The following CPNE4 variants were observed in gnomAD, a reference collection of about 807,000 sequenced individuals.
The protein encoded by CPNE4 is copine-4.
Under a neutral mutation model 67.9 loss-of-function variants are expected in CPNE4, and 25 were observed. That is an observed-to-expected ratio of 0.37 (90% CI 0.27 to 0.51). The LOEUF is 0.51. Among genes scored for constraint, CPNE4 ranks in the 20% least tolerant of loss-of-function variants. CPNE4 has a pLI of 0.93. For synonymous variants in CPNE4, 242 were observed against 244.9 expected, an observed-to-expected ratio of 0.99 and a Z score of 0.11; for missense variants, 464 against 690.8, an observed-to-expected ratio of 0.67 and a Z score of 3.68.
At position 131,657,859 on chromosome 3, in the gene CPNE4, C is replaced by T. The variant is rs116017888; in HGVS notation, c.681+11816G>A. On this transcript the variant is annotated intron_variant, in intron 7 of 15. Transcript: ENST00000429747. ...GATTACAGGCGTGAGATACCGTGCC[C>T]GGCCGAATTATCTATATTTTTAAGA... 7.4e-3 allele frequency among the ~76,000 whole-genome samples: 1,120 copies of T among 152,046 alleles called. 17 individuals are homozygous for T. The highest frequency in any genetic ancestry group is 0.026 in the African/African-American group (1,059 of 41,476).
intron 6 of CPNE4, among the ~76,000 whole-genome samples, chr3:131,677,774 C>T (rs530295534): frequency 1.3e-5 from 2 of 152,214 alleles, no homozygotes; most frequent in African/African-American, 4.8e-5. Context: ...GTTCTCTATT[C>T]TGTTCCATTG....
chr3:131,966,145 G>A (rs2072337339), intron 1 of CPNE4, among the ~76,000 whole-genome samples: 1 of 152,068 alleles, frequency 6.6e-6, no homozygotes, highest in Admixed American at 6.5e-5. Flanking sequence ...CAAAATTAAG[G>A]CAGAAATAAA....
intron 2 of CPNE4, among the ~76,000 whole-genome samples, chr3:131,881,494 A>C (rs148895893): frequency 1.4e-3 from 211 of 151,056 alleles, no homozygotes; most frequent in African/African-American, 4.9e-3. Flanking sequence ...AATAAACCCA[A>C]CTTGTTCAAT....
chr3:132,036,100 A>G (rs60615210), upstream of CPNE4, among the ~76,000 whole-genome samples: 2,928 of 152,294 alleles, frequency 0.019, 100 homozygotes, highest in African/African-American at 0.066. Flanking sequence ...AAACAAAGGG[A>G]CAACCTTCTG....
At chr3:131,649,613 C>A (rs945427528) in intron 7 of CPNE4, among the ~76,000 whole-genome samples, 3 of 152,142 alleles carry the variant, frequency 2.0e-5, no homozygotes, top group African/African-American at 4.8e-5. Flanking sequence ...AGAGCTGGGG[C>A]AAGTCACTTA....
intron 1 of CPNE4, among the ~76,000 whole-genome samples, chr3:131,916,314 G>T (rs79960280): frequency 1.3e-3 from 192 of 150,634 alleles, no homozygotes; most frequent in African/African-American, 3.9e-3. Flanking sequence ...GGAAGCTGGG[G>T]GGCTCACAAC....
At chr3:132,013,187 C>T (rs2073813316) in intron 1 of CPNE4, among the ~76,000 whole-genome samples, 2 of 152,178 alleles carry the variant, frequency 1.3e-5, no homozygotes, top group African/African-American at 4.8e-5. Context: ...CACGCCATTG[C>T]ACTCCAGCCT....
chr3:131,656,898 GA>G (rs2079984428), intron 7 of CPNE4, among the ~76,000 whole-genome samples: 1 of 152,168 alleles, frequency 6.6e-6, no homozygotes, highest in African/African-American at 2.4e-5. Context: ...AGGCAATGGA[GA>G]GGGACAGGTG....
chr3:132,000,651 A>T lies in CPNE4; in HGVS notation c.-2+33916T>A, dbSNP rs569691794. ...TGAGAAGAAAATTCTTGGGTAAAAA[A>T]CCCAAAGGAATTAGAGAGCTGACAA... On this transcript the variant is annotated intron_variant, in intron 1 of 15. Coordinates refer to ENST00000429747, the MANE Select transcript of CPNE4 (RefSeq NM_130808.3). 2.0e-5 allele frequency among the ~76,000 whole-genome samples: 3 copies of T among 151,964 alleles called. No individual in the cohort carries two copies. The South Asian group carries it at 6.2e-4, about 31-fold the overall frequency.
chr3:131,802,110 G>A (rs984698601), intron 2 of CPNE4, among the ~76,000 whole-genome samples: 3 of 152,110 alleles, frequency 2.0e-5, no homozygotes, highest in Non-Finnish European at 4.4e-5. Context: ...TGAGAATCAG[G>A]TTCTGGTCAC....
At chr3:132,014,734 T>C (rs186883930) in intron 1 of CPNE4, among the ~76,000 whole-genome samples, 2 of 152,170 alleles carry the variant, frequency 1.3e-5, no homozygotes, top group Non-Finnish European at 1.5e-5. Flanking sequence ...ATTGTGTTCT[T>C]GGCTTCTGTC....
At chr3:131,559,220 A>AT (rs1000510782) in intron 11 of CPNE4, among the ~76,000 whole-genome samples, 1 of 151,904 alleles carries the variant, frequency 6.6e-6, no homozygotes, top group Non-Finnish European at 1.5e-5. Flanking sequence ...CCATTATGTA[A>AT]TTTTTTTTGG....
At chr3:131,856,258 A>T (rs954894626) in intron 2 of CPNE4, among the ~76,000 whole-genome samples, 5 of 151,896 alleles carry the variant, frequency 3.3e-5, no homozygotes, top group African/African-American at 1.2e-4. Context: ...ATGTTTATAA[A>T]AACATAAACC....
intron 1 of CPNE4, among the ~76,000 whole-genome samples, chr3:132,026,672 T>TA (rs1223419857): frequency 3.3e-5 from 5 of 152,190 alleles, no homozygotes; most frequent in Non-Finnish European, 7.3e-5. Flanking sequence ...TTCTGCAAGA[T>TA]AAATGCATAT....
At chr3:131,707,985 C>A (rs578187487) in intron 3 of CPNE4, among the ~76,000 whole-genome samples, 1 of 152,260 alleles carries the variant, frequency 6.6e-6, no homozygotes, top group Non-Finnish European at 1.5e-5. Context: ...TAACAAGATC[C>A]CAGCATCAGG....
At chr3:131,589,209 A>C (rs1055326244) in intron 7 of CPNE4, among the ~76,000 whole-genome samples, 1 of 152,168 alleles carries the variant, frequency 6.6e-6, no homozygotes, top group African/African-American at 2.4e-5. Context: ...GCTCAGTTCA[A>C]GTCTAAAAGC....
intron 2 of CPNE4, among the ~76,000 whole-genome samples, chr3:131,855,164 T>G (rs12638334): frequency 0.4 from 60,162 of 151,714 alleles, 12,217 homozygotes; most frequent in Admixed American, 0.47. Context: ...GTGCCTGATA[T>G]CAACTGATTC....
At chr3:131,835,437 G>A (rs1413932311) in intron 2 of CPNE4, among the ~76,000 whole-genome samples, 4 of 152,104 alleles carry the variant, frequency 2.6e-5, no homozygotes, top group Non-Finnish European at 5.9e-5. Context: ...GCTGAGGCAG[G>A]AGAATCGCTT....
At chr3:131,937,951 A>G (rs2071272885) in intron 1 of CPNE4, among the ~76,000 whole-genome samples, 1 of 152,162 alleles carries the variant, frequency 6.6e-6, no homozygotes. Context: ...TCCTTGTAAG[A>G]TAAATAAAGG....
Sources: allele counts gnomAD v4.1 joint callset (sites outside exome capture counted in the v4.1 genomes callset), GRCh38; gene constraint gnomAD v4.1.1; transcripts MANE v1.5; gene names NCBI Gene and HGNC (gene_info 2026-07-23, HGNC 2026-07-21).